Variants in SLC7A13 observed in about 807,000 individuals in gnomAD.
The protein encoded by SLC7A13 is X-amino acid transporter 2.
In SLC7A13, 31 loss-of-function variants were observed where a neutral mutation model predicts 32.0. The observed-to-expected ratio is 0.97, with a 90% CI of 0.73 to 1.31. The LOEUF (loss-of-function observed/expected upper bound fraction) is 1.31, where lower values mean the gene tolerates loss of function less well. Among genes scored for constraint, SLC7A13 ranks in the 50% most tolerant of loss-of-function variants. The pLI is 0.00. For missense variants in SLC7A13, 633 were observed against 546.9 expected, an observed-to-expected ratio of 1.16 and a Z score of -1.57; for synonymous variants, 232 against 206.9, an observed-to-expected ratio of 1.12 and a Z score of -1.04.
chr8:86,217,820 T>C lies in SLC7A13; in HGVS notation c.829A>G (p.Ile277Val), dbSNP rs1820217916. Residue 277 changes from isoleucine (I) to valine (V), a missense_variant, in exon 3 of 4, where the codon ATC (isoleucine) becomes GTC (valine). Physicochemically the swap from Ile to Val is conservative, Grantham distance 29. Transcript: ENST00000297524. ...REILSSDAVAITWADRAFPSL... is the reference protein window; with the variant it reads ...REILSSDAVAVTWADRAFPSL... ...GGAAAAGCTCGATCAGCCCATGTGA[T>C]AGCTACAGCATCTGCAGAAAAACAA... 2 of 1,561,594 alleles carry C rather than the reference T, an allele frequency of 1.3e-6. No homozygotes were observed. The highest frequency in any genetic ancestry group is 2.8e-5 in the African/African-American group (2 of 72,414).
intron 3 of SLC7A13, among the ~76,000 whole-genome samples, chr8:86,214,860 A>G (rs1334737152): frequency 6.6e-6 from 1 of 152,202 alleles, no homozygotes; most frequent in African/African-American, 2.4e-5. Context: ...GGGAATGGGC[A>G]TCTAGCATTT....
chr8:86,214,867 A>G (rs1820152847), intron 3 of SLC7A13, among the ~76,000 whole-genome samples: 1 of 152,176 alleles, frequency 6.6e-6, no homozygotes, highest in African/African-American at 2.4e-5. Context: ...GGCATCTAGC[A>G]TTTGACTGCT....
intron 1 of SLC7A13, among the ~76,000 whole-genome samples, chr8:86,226,087 C>T (rs1820385513): frequency 6.6e-6 from 1 of 152,126 alleles, no homozygotes; most frequent in Non-Finnish European, 1.5e-5. Context: ...TTGTTCACCA[C>T]TAGCGGCTTG....
intron 1 of SLC7A13, 46 bp downstream of exon 1, chr8:86,229,547 T>C: frequency 6.9e-7 from 1 of 1,445,496 alleles, no homozygotes; most frequent in Non-Finnish European, 9.5e-7. Context: ...TCATATTGTA[T>C]GCAATAAGTC....
At chr8:86,224,243 CA>C (rs769980733) in intron 1 of SLC7A13, among the ~76,000 whole-genome samples, 9 of 152,150 alleles carry the variant, frequency 5.9e-5, no homozygotes, top group Non-Finnish European at 1.3e-4. Context: ...CTGGCCTTTG[CA>C]GTTCCTCAAC....
intron 2 of SLC7A13, among the ~76,000 whole-genome samples, chr8:86,218,060 C>T (rs867647620): frequency 6.6e-6 from 1 of 152,086 alleles, no homozygotes; most frequent in Non-Finnish European, 1.5e-5. Flanking sequence ...TATATGTCTT[C>T]CCCAATAGAC....
chr8:86,214,914 A>G (rs1820153914), intron 3 of SLC7A13, among the ~76,000 whole-genome samples: 1 of 152,154 alleles, frequency 6.6e-6, no homozygotes, highest in Non-Finnish European at 1.5e-5. Flanking sequence ...TGCTGGTAAG[A>G]TCACTATCTA....
chr8:86,225,629 A>G (rs1426028613), intron 1 of SLC7A13, among the ~76,000 whole-genome samples: 1 of 152,180 alleles, frequency 6.6e-6, no homozygotes, highest in African/African-American at 2.4e-5. Flanking sequence ...AACTTAAAAG[A>G]TGGGTATTCC....
intron 1 of SLC7A13, among the ~76,000 whole-genome samples, chr8:86,228,874 A>G (rs71525041): frequency 6.6e-6 from 1 of 151,272 alleles, no homozygotes; most frequent in African/African-American, 2.4e-5. Flanking sequence ...GAGGAGAGGG[A>G]TCTCACTATT....
At chr8:86,214,790 AG>A in intron 3 of SLC7A13, 144 bp from the exon 4 acceptor site, 1 of 648,656 alleles carries the variant, frequency 1.5e-6, no homozygotes, top group Non-Finnish European at 2.6e-6. Flanking sequence ...AATCTGGCTT[AG>A]AAGTCAGATA....
rs759777224 is a variant in SLC7A13 at position 86,229,896 on chromosome 8, A to G, written c.382T>C (p.Ser128Pro). ...CATTTCTTAGGCAGCTTTGGGACAG[A>G]GCAGCTGGGAAAAAAAGGCTGGATG... ...YSIQPFFPSC[S>P]VPKLPKKCLA... The change falls in exon 1 of 4, where the codon TCT becomes CCT. Residue 128 changes from serine (S) to proline (P), a missense_variant. Physicochemically the swap from Ser to Pro is moderately conservative, Grantham distance 74. Coordinates refer to ENST00000297524, the MANE Select transcript of SLC7A13 (RefSeq NM_138817.3). 2 of 1,614,208 alleles carry G rather than the reference A, an allele frequency of 1.2e-6. No homozygotes were observed. The highest frequency in any genetic ancestry group is 1.7e-6 in the Non-Finnish European group (2 of 1,180,038).
In SLC7A13 at chr8:86,218,652, T is replaced by C. The variant is rs115013947; in HGVS notation, c.818-821A>G. Among the ~76,000 whole-genome samples the C allele has an allele frequency of 9.8e-3, 1,480 of 151,408 alleles. 22 individuals are homozygous for C. Among genetic ancestry groups the C allele is most frequent in the African/African-American group, 0.034 (1,390 of 41,080 alleles). Reference sequence around the variant, plus strand: ...AGAAACTAACCATTAGAGAATATTCTACTTTTTTTTTTTTTTGCTTAAAGA... The same window carrying C: ...AGAAACTAACCATTAGAGAATATTCCACTTTTTTTTTTTTTTGCTTAAAGA... On this transcript the variant is annotated intron_variant, in intron 2 of 3. Coordinates refer to ENST00000297524, the MANE Select transcript of SLC7A13 (RefSeq NM_138817.3).
In SLC7A13 at chr8:86,229,742, A is replaced by G. The variant is rs376438148; in HGVS notation, c.536T>C (p.Val179Ala). Reference protein sequence around the residue: ...SILSFISLTGVVFLIRGKKEN... With the variant: ...SILSFISLTGAVFLIRGKKEN... ...CTTTTTCCCTCTTATCAGGAACACT[A>G]CTCCAGTTAGGGAAATGAAGCTAAG... Residue 179 changes from valine (V) to alanine (A), a missense_variant, in exon 1 of 4, where the codon GTA (valine) becomes GCA (alanine). Transcript: ENST00000297524. The G allele has an allele frequency of 1.2e-6, 2 of 1,614,120 alleles. No homozygotes were observed. Among genetic ancestry groups the G allele is most frequent in the African/African-American group, 2.7e-5 (2 of 75,034 alleles).
chr8:86,217,959 T>A, intron 2 of SLC7A13, 128 bp from the exon 3 acceptor site: 1 of 1,044,046 alleles, frequency 9.6e-7, no homozygotes, highest in East Asian at 2.7e-5. Context: ...TTGCTTAATT[T>A]TATCATTTAT....
rs114017085 is a variant in SLC7A13 at position 86,223,588 on chromosome 8, C to T, written c.686-485G>A. Among the ~76,000 whole-genome samples the T allele has an allele frequency of 1.1e-3, 161 of 151,920 alleles. 1 individual carries two copies. The highest frequency in any genetic ancestry group is 3.7e-3 in the African/African-American group (152 of 41,434). ...TAAACATGAGTGCAGATGTCCTATT[C>T]ATTTATTTTCTTTTGGGGAGATACC... is the stretch of plus-strand genomic sequence containing the variant. On this transcript the variant is annotated intron_variant, in intron 1 of 3. Coordinates refer to ENST00000297524, the MANE Select transcript of SLC7A13 (RefSeq NM_138817.3).
At chr8:86,224,135 G>A (rs1820351081) in intron 1 of SLC7A13, among the ~76,000 whole-genome samples, 1 of 152,130 alleles carries the variant, frequency 6.6e-6, no homozygotes, top group Non-Finnish European at 1.5e-5. Flanking sequence ...TAGTGACTAT[G>A]GTAAGTGTCT....
At chr8:86,214,981 A>G (rs1820155083) in intron 3 of SLC7A13, among the ~76,000 whole-genome samples, 1 of 152,176 alleles carries the variant, frequency 6.6e-6, no homozygotes, top group South Asian at 2.1e-4. Context: ...AATGGAAGTA[A>G]CAACAATCTT....
intron 2 of SLC7A13, among the ~76,000 whole-genome samples, chr8:86,218,743 G>A (rs1163012552): frequency 4.0e-5 from 6 of 151,224 alleles, no homozygotes; most frequent in Non-Finnish European, 7.4e-5. Context: ...GTGAAGAAAA[G>A]CATCCATTGT....
At chr8:86,214,992 C>T (rs1820155238) in intron 3 of SLC7A13, among the ~76,000 whole-genome samples, 2 of 152,124 alleles carry the variant, frequency 1.3e-5, no homozygotes, top group South Asian at 4.1e-4. Context: ...CAACAATCTT[C>T]TCTGGAAAAT....
Sources: allele counts gnomAD v4.1 joint callset (sites outside exome capture counted in the v4.1 genomes callset), GRCh38; gene constraint gnomAD v4.1.1; transcripts MANE v1.5; gene names NCBI Gene and HGNC (gene_info 2026-07-23, HGNC 2026-07-21).